NELL1: variants seen among roughly 807,000 people sequenced by gnomAD.
NELL1 encodes protein kinase C-binding protein NELL1.
In NELL1, 76 loss-of-function variants were observed where a neutral mutation model predicts 107.4. The ratio of observed to expected loss-of-function variants is 0.71; its 90% confidence interval spans 0.59 to 0.86. The LOEUF (loss-of-function observed/expected upper bound fraction) is 0.86, where lower values mean the gene tolerates loss of function less well. Ranked by LOEUF, NELL1 falls within the 40% of genes least tolerant of loss-of-function variation. The pLI is 0.00. For synonymous variants in NELL1, 353 were observed against 341.2 expected (o/e 1.03, Z -0.38); for missense variants, 1,024 against 1,005.5 (o/e 1.02, Z -0.25).
intron 13 of NELL1, among the ~76,000 whole-genome samples, chr11:21,201,507 C>A (rs569506224): frequency 2.6e-5 from 4 of 152,162 alleles, no homozygotes; most frequent in African/African-American, 9.7e-5. Context: ...AGTTGTTTAT[C>A]AGCTTAAGGA....
At chr11:21,202,855 T>C (rs939387832) in intron 13 of NELL1, among the ~76,000 whole-genome samples, 6 of 151,980 alleles carry the variant, frequency 3.9e-5, no homozygotes, top group Non-Finnish European at 2.9e-5. Context: ...AAAGAACTTA[T>C]TTATTTCTGC....
At chr11:20,908,643 G>A (rs1179015316) in intron 5 of NELL1, among the ~76,000 whole-genome samples, 1 of 151,800 alleles carries the variant, frequency 6.6e-6, no homozygotes, top group Non-Finnish European at 1.5e-5. Flanking sequence ...TAACAAACCT[G>A]CACATTCTGC....
intron 13 of NELL1, among the ~76,000 whole-genome samples, chr11:21,135,749 T>C (rs957118079): frequency 6.6e-6 from 1 of 152,176 alleles, no homozygotes; most frequent in Admixed American, 6.5e-5. Flanking sequence ...ACCTACAACA[T>C]AGTAGTTGCT....
chr11:21,006,768 T>C (rs1365157795), intron 12 of NELL1, among the ~76,000 whole-genome samples: 2 of 152,110 alleles, frequency 1.3e-5, no homozygotes, highest in Non-Finnish European at 2.9e-5. Flanking sequence ...TTTTGACCAC[T>C]GTGATACAAT....
chr11:21,448,268 T>G (rs929996189), intron 15 of NELL1, among the ~76,000 whole-genome samples: 2 of 152,176 alleles, frequency 1.3e-5, no homozygotes, highest in Non-Finnish European at 2.9e-5. Context: ...GAGACTTCTA[T>G]TCAGCCATCT....
intron 14 of NELL1, among the ~76,000 whole-genome samples, chr11:21,320,819 C>T (rs1010477625): frequency 2.6e-5 from 4 of 152,176 alleles, no homozygotes; most frequent in African/African-American, 9.7e-5. Context: ...CTGAAATATG[C>T]TTTCTATGCA....
chr11:20,895,997 T>A (rs906985008), intron 5 of NELL1, among the ~76,000 whole-genome samples: 2 of 152,146 alleles, frequency 1.3e-5, no homozygotes, highest in Non-Finnish European at 2.9e-5. Context: ...TTTAAAAAAA[T>A]TTCACTAGTT....
At chr11:20,734,155 T>G (rs1206297971) in intron 2 of NELL1, among the ~76,000 whole-genome samples, 1 of 152,038 alleles carries the variant, frequency 6.6e-6, no homozygotes, top group East Asian at 1.9e-4. Flanking sequence ...TTGGTGAGTT[T>G]GAGGAAAATG....
At chr11:20,752,298 C>T (rs1856158710) in intron 2 of NELL1, among the ~76,000 whole-genome samples, 1 of 152,104 alleles carries the variant, frequency 6.6e-6, no homozygotes, top group African/African-American at 2.4e-5. Flanking sequence ...ACCTATAATC[C>T]CAGCAGTTTG....
At chr11:20,986,574 C>A (rs10833426) in intron 12 of NELL1, among the ~76,000 whole-genome samples, 13,682 of 152,140 alleles carry the variant, frequency 0.09, 725 homozygotes, top group Middle Eastern at 0.27. Flanking sequence ...TGGGCCCCAC[C>A]CTTAGAGTTT....
At chr11:21,264,760 T>A (rs1027910373) in intron 14 of NELL1, among the ~76,000 whole-genome samples, 2 of 151,894 alleles carry the variant, frequency 1.3e-5, no homozygotes, top group African/African-American at 4.8e-5. Context: ...AGTGTGTGTG[T>A]GTGTGCGTGC....
chr11:20,991,054 A>T (rs1167725540), intron 12 of NELL1, among the ~76,000 whole-genome samples: 1 of 152,150 alleles, frequency 6.6e-6, no homozygotes, highest in African/African-American at 2.4e-5. Context: ...GCATTTTCAG[A>T]TGGCCTCTGA....
At chr11:20,727,874 C>T (rs143717149) in intron 2 of NELL1, among the ~76,000 whole-genome samples, 1 of 152,286 alleles carries the variant, frequency 6.6e-6, no homozygotes, top group Admixed American at 6.5e-5. Context: ...TTTGAGAAAT[C>T]TCCTAACTGC....
rs138125458 is a variant in NELL1 at position 21,499,200 on chromosome 11, TG to T, written c.1646-35173del. The stretch of plus-strand genomic sequence containing the variant: ...TTTTCCTGAGTTTTATACAATTTTT[TG>T]TATGTTATTAAACTCTGTAATACAT... On this transcript the variant is annotated intron_variant, in intron 15 of 19. Transcript: ENST00000357134. Among the ~76,000 whole-genome samples the T allele has an allele frequency of 7.0e-3, 1,066 of 152,178 alleles. 16 individuals carry two copies. The highest frequency in any genetic ancestry group is 0.024 in the African/African-American group (984 of 41,554).
chr11:21,045,753 A>G (rs1455318724), intron 12 of NELL1, among the ~76,000 whole-genome samples: 1 of 152,162 alleles, frequency 6.6e-6, no homozygotes, highest in African/African-American at 2.4e-5. Flanking sequence ...ATAATCCTAT[A>G]TGGACTCTAA....
At chr11:21,144,220 C>T (rs774414957) in intron 13 of NELL1, among the ~76,000 whole-genome samples, 10 of 152,058 alleles carry the variant, frequency 6.6e-5, no homozygotes, top group Non-Finnish European at 1.2e-4. Context: ...CAGGAAGCCT[C>T]AGGTGGGCCA....
At chr11:20,968,772 C>T (rs1851436325) in intron 12 of NELL1, among the ~76,000 whole-genome samples, 1 of 152,198 alleles carries the variant, frequency 6.6e-6, no homozygotes, top group African/African-American at 2.4e-5. Context: ...GGCTCCTTTC[C>T]TCTTGTGGTC....
At chr11:21,039,676 T>C (rs181194833) in intron 12 of NELL1, among the ~76,000 whole-genome samples, 2 of 152,308 alleles carry the variant, frequency 1.3e-5, no homozygotes, top group Non-Finnish European at 2.9e-5. Flanking sequence ...ACAATTTTCA[T>C]TGTATAAAAC....
chr11:20,719,048 A>G (rs1380770385), intron 2 of NELL1, among the ~76,000 whole-genome samples: 1 of 152,246 alleles, frequency 6.6e-6, no homozygotes, highest in Non-Finnish European at 1.5e-5. Flanking sequence ...CTAGAAGTGT[A>G]TCCCTTTTGC....
Sources: gnomAD v4.1 joint callset for allele counts (sites outside exome capture counted in the v4.1 genomes callset) on GRCh38, gnomAD v4.1.1 for gene constraint, MANE v1.5 for transcripts, NCBI Gene and HGNC (gene_info 2026-07-23, HGNC 2026-07-21) for gene names.